Variants in B4GALT6 observed in about 807,000 individuals in gnomAD.
The protein encoded by B4GALT6 is UDP-Gal:beta-GlcNAc beta-1,4-galactosyltransferase 6.
Under a neutral mutation model 46.3 loss-of-function variants are expected in B4GALT6, and 14 were observed. The observed-to-expected ratio is 0.30, with a 90% confidence interval of 0.20 to 0.47. B4GALT6 has a LOEUF of 0.47. Among genes scored for constraint, B4GALT6 ranks in the 20% least tolerant of loss-of-function variants. The pLI, the probability that B4GALT6 is intolerant of heterozygous loss-of-function variation, is 0.99. For synonymous variants in B4GALT6, 168 were observed against 162.0 expected (o/e 1.04, Z -0.28); for missense variants, 386 against 480.1 (o/e 0.80, Z 1.83).
At chr18:31,677,715 T>C (rs2074429806) in intron 1 of B4GALT6, among the ~76,000 whole-genome samples, 1 of 152,060 alleles carries the variant, frequency 6.6e-6, no homozygotes, top group African/African-American at 2.4e-5. Context: ...CTTCAGGAAT[T>C]AAAAAGAAAA....
the B4GALT6 span, among the ~76,000 whole-genome samples, chr18:31,697,039 G>A: frequency 1.3e-5 from 2 of 152,130 alleles, no homozygotes; most frequent in East Asian, 1.9e-4. Context: ...AGGAAGCTGA[G>A]GCAAGTGGAT....
chr18:31,637,797 C>A (rs943492822), intron 5 of B4GALT6, among the ~76,000 whole-genome samples: 5 of 152,036 alleles, frequency 3.3e-5, no homozygotes, highest in Admixed American at 2.6e-4. Context: ...TTAAACACTG[C>A]GAATATAACC....
At chr18:31,704,424 G>C in the B4GALT6 span, among the ~76,000 whole-genome samples, 1 of 151,832 alleles carries the variant, frequency 6.6e-6, no homozygotes, top group African/African-American at 2.4e-5. Flanking sequence ...GGCTGGTCTC[G>C]AATTCCTGAC....
chr18:31,635,246 CAA>C (rs530578338), intron 5 of B4GALT6, among the ~76,000 whole-genome samples: 1 of 146,132 alleles, frequency 6.8e-6, no homozygotes. Context: ...AACAAACAAA[CAA>C]AAAAAAAAAA....
At chr18:31,674,595 G>T (rs1172398057) in intron 1 of B4GALT6, among the ~76,000 whole-genome samples, 2 of 152,114 alleles carry the variant, frequency 1.3e-5, no homozygotes, top group Non-Finnish European at 2.9e-5. Context: ...AAGAATTTAT[G>T]ATAATCTTCT....
chr18:31,623,016 T>C lies in B4GALT6; in HGVS notation c.*2598A>G, dbSNP rs772818932. On this transcript the variant is annotated 3_prime_UTR_variant, in exon 9 of 9. Transcript: ENST00000306851. Reference sequence around the variant, plus strand: ...ATACAACAGATAAGTTATCAGAAGATGTCTTCATAATTTCAGAAAGATCTC... The same window carrying C: ...ATACAACAGATAAGTTATCAGAAGACGTCTTCATAATTTCAGAAAGATCTC... 6.6e-6 allele frequency: 1 copy of C among 152,092 alleles called. No individual in the cohort carries two copies. Among genetic ancestry groups the C allele is most frequent in the Non-Finnish European group, 1.5e-5 (1 of 67,914 alleles). The allele number at this position is 152,092 out of a possible 1,614,324, so 9.4% of individuals were successfully genotyped here. A position where few individuals can be genotyped will look rare whatever the true frequency, so the allele number is the denominator to read the frequency against.
the B4GALT6 span, among the ~76,000 whole-genome samples, chr18:31,709,388 C>A: frequency 0.43 from 63,892 of 148,680 alleles, 16,714 homozygotes; most frequent in South Asian, 0.65. Flanking sequence ...AATTTAAAAA[C>A]CCATGGACAA....
chr18:31,674,485 C>T (rs906940391), intron 1 of B4GALT6, among the ~76,000 whole-genome samples: 3 of 152,122 alleles, frequency 2.0e-5, no homozygotes, highest in South Asian at 2.1e-4. Flanking sequence ...ATATTATCTA[C>T]GGAACACTGG....
the B4GALT6 span, among the ~76,000 whole-genome samples, chr18:31,716,825 G>A: frequency 4.9e-3 from 742 of 152,182 alleles, 5 homozygotes; most frequent in African/African-American, 0.017. Context: ...TTAGTAGGCC[G>A]GGTGCCACTC....
At position 31,662,375 on chromosome 18, in the gene B4GALT6, C is replaced by T. The variant is rs116294740; in HGVS notation, c.232+3881G>A. Among the ~76,000 whole-genome samples the T allele has an allele frequency of 1.1e-3, 165 of 152,220 alleles. 1 individual carries two copies. Among genetic ancestry groups the T allele is most frequent in the African/African-American group, 3.7e-3 (152 of 41,540 alleles). On this transcript the variant is annotated intron_variant, in intron 2 of 8. Transcript: ENST00000306851. The stretch of plus-strand genomic sequence containing the variant: ...ATGTATTATGTGTATATAGTCTATC[C>T]GCCACCCCGGCCATTATTCTGAATA...
chr18:31,657,925 CTGTAT>C (rs759639072), intron 3 of B4GALT6, 46 bp downstream of exon 3: 1 of 1,448,882 alleles, frequency 6.9e-7, no homozygotes, highest in East Asian at 2.3e-5. Flanking sequence ...GTTTTTATGA[CTGTAT>C]TGTAACACAA....
At chr18:31,675,096 A>G (rs2074400985) in intron 1 of B4GALT6, among the ~76,000 whole-genome samples, 1 of 152,176 alleles carries the variant, frequency 6.6e-6, no homozygotes, top group Admixed American at 6.5e-5. Flanking sequence ...TTAGCTAACA[A>G]CTCAAGCTTT....
At chr18:31,690,993 G>A in the B4GALT6 span, among the ~76,000 whole-genome samples, 1 of 151,906 alleles carries the variant, frequency 6.6e-6, no homozygotes, top group African/African-American at 2.4e-5. Flanking sequence ...TGTCAGTGGG[G>A]TGGGGGGCAA....
chr18:31,653,020 C>CA (rs1887773257), intron 3 of B4GALT6, among the ~76,000 whole-genome samples: 1 of 141,536 alleles, frequency 7.1e-6, no homozygotes, highest in Non-Finnish European at 1.5e-5. Context: ...TTTATTTTTG[C>CA]TTTTTTTTTT....
chr18:31,652,719 C>A (rs2074087361), intron 3 of B4GALT6, among the ~76,000 whole-genome samples: 2 of 152,164 alleles, frequency 1.3e-5, no homozygotes, highest in Non-Finnish European at 1.5e-5. Context: ...TGGAAATTAA[C>A]CCTCACCCCT....
the B4GALT6 span, among the ~76,000 whole-genome samples, chr18:31,720,781 C>T: frequency 6.6e-6 from 1 of 152,182 alleles, no homozygotes; most frequent in African/African-American, 2.4e-5. Flanking sequence ...TTAGGCCTGT[C>T]AAGCTAAATA....
chr18:31,656,261 G>T (rs906381338), intron 3 of B4GALT6, among the ~76,000 whole-genome samples: 1 of 152,008 alleles, frequency 6.6e-6, no homozygotes, highest in Non-Finnish European at 1.5e-5. Context: ...AAAAAAGCTC[G>T]TGTCAAGAAT....
the B4GALT6 span, among the ~76,000 whole-genome samples, chr18:31,701,288 C>A: frequency 6.6e-6 from 1 of 152,268 alleles, no homozygotes; most frequent in South Asian, 2.1e-4. Context: ...ACCTCCCTTC[C>A]TCTCTCTTGC....
intron 5 of B4GALT6, among the ~76,000 whole-genome samples, chr18:31,637,268 T>TC (rs11421321): frequency 3.4e-5 from 1 of 29,336 alleles, no homozygotes; most frequent in African/African-American, 2.2e-3. Flanking sequence ...ACGAATAAGC[T>TC]TTTTTGACAA....
Sources: allele counts gnomAD v4.1 joint callset (sites outside exome capture counted in the v4.1 genomes callset), GRCh38; gene constraint gnomAD v4.1.1; transcripts MANE v1.5; gene names NCBI Gene and HGNC (gene_info 2026-07-23, HGNC 2026-07-21).